KANK1: variants seen among roughly 807,000 people sequenced by gnomAD.
The protein encoded by KANK1 is KN motif and ankyrin repeat domains 1, also known as KN motif and ankyrin repeat domain-containing protein 1.
In KANK1, 109 loss-of-function variants were observed where a neutral mutation model predicts 106.2. That is an observed-to-expected ratio of 1.03 (90% CI 0.88 to 1.20). The LOEUF (loss-of-function observed/expected upper bound fraction) is 1.20. Among genes scored for constraint, KANK1 ranks in the 50% most tolerant of loss-of-function variants. The pLI, the probability that KANK1 is intolerant of heterozygous loss-of-function variation, is 0.00. For missense variants in KANK1, 2,399 were observed against 1,710.7 expected, an observed-to-expected ratio of 1.40 and a Z score of -7.10; for synonymous variants, 873 against 652.2, an observed-to-expected ratio of 1.34 and a Z score of -5.16.
intron 1 of KANK1, among the ~76,000 whole-genome samples, chr9:614,153 C>G (rs978715855): frequency 6.6e-6 from 1 of 152,122 alleles, no homozygotes; most frequent in Non-Finnish European, 1.5e-5. Flanking sequence ...AACTTTCAGT[C>G]CGGGGCAGGA....
At chr9:619,603 AAAGAT>A (rs1461931005) in intron 1 of KANK1, among the ~76,000 whole-genome samples, 1 of 152,172 alleles carries the variant, frequency 6.6e-6, no homozygotes, top group East Asian at 1.9e-4. Context: ...AGTGAGTGAT[AAAGAT>A]AAGTGATGAT....
intron 1 of KANK1, among the ~76,000 whole-genome samples, chr9:518,417 C>CTTA (rs751368468): frequency 8.6e-5 from 13 of 151,610 alleles, no homozygotes; most frequent in Non-Finnish European, 1.6e-4. Flanking sequence ...GCAGTTTTTA[C>CTTA]TTTACCGTTT....
At chr9:541,060 G>T (rs939988018) in intron 1 of KANK1, among the ~76,000 whole-genome samples, 1 of 151,950 alleles carries the variant, frequency 6.6e-6, no homozygotes. Flanking sequence ...GGAGTTGATT[G>T]CTGTAAACTT....
At chr9:539,899 T>A (rs1316113638) in intron 1 of KANK1, among the ~76,000 whole-genome samples, 2 of 152,240 alleles carry the variant, frequency 1.3e-5, no homozygotes, top group Non-Finnish European at 2.9e-5. Flanking sequence ...GATTTTAGTA[T>A]CCTACAACTT....
chr9:484,957 A>T lies in KANK1; in HGVS notation c.-362+11684A>T, dbSNP rs148322388. On this transcript the variant is annotated intron_variant, in intron 3 of 15. Coordinates refer to the KANK1 transcript ENST00000382303. ...ATGCAAAAAAAAAAAGTTAGGCCTC[A>T]TAAGACATAAATGTGTCAATGCTTT... is the stretch of plus-strand genomic sequence containing the variant. Among the ~76,000 whole-genome samples the T allele has an allele frequency of 5.3e-3, 814 of 152,216 alleles. 7 individuals are homozygous for T. The highest frequency in any genetic ancestry group is 0.018 in the African/African-American group (756 of 41,486).
chr9:712,880 A>G lies in KANK1; in HGVS notation c.2114A>G (p.Lys705Arg). The G allele has an allele frequency of 6.2e-7, 1 of 1,613,950 alleles. No homozygotes were observed. Among genetic ancestry groups the G allele is most frequent in the East Asian group, 2.2e-5 (1 of 44,848 alleles). The change falls in exon 3 of 12, where the codon AAG (lysine) becomes AGG (arginine). Residue 705 changes from lysine to arginine, a missense_variant. By Grantham distance (26) the Lys-to-Arg change is conservative (BLOSUM62 2). Transcript: ENST00000382297. ...AACACTTGTCTAAGCACTTTGGACA[A>G]GCAGACCAGCACCCAGACTGTGGAG... ...CTNTCLSTLD[K>R]QTSTQTVETR...
chr9:566,107 A>T (rs1254454355), intron 1 of KANK1, among the ~76,000 whole-genome samples: 1 of 152,158 alleles, frequency 6.6e-6, no homozygotes, highest in Non-Finnish European at 1.5e-5. Flanking sequence ...ATAAGTGACA[A>T]CGTGTAGTAT....
At chr9:542,106 A>G (rs2060639153) in intron 1 of KANK1, among the ~76,000 whole-genome samples, 1 of 151,064 alleles carries the variant, frequency 6.6e-6, no homozygotes, top group African/African-American at 2.4e-5. Context: ...AAAAATGAAC[A>G]GAGGACCTTA....
intron 1 of KANK1, among the ~76,000 whole-genome samples, chr9:528,506 G>A (rs568211025): frequency 9.1e-6 from 1 of 110,212 alleles, no homozygotes; most frequent in East Asian, 2.6e-4. Context: ...TTTTGAGACG[G>A]AGTCTCACTC....
At chr9:505,686 G>C (rs2058722109) in intron 1 of KANK1, among the ~76,000 whole-genome samples, 1 of 152,226 alleles carries the variant, frequency 6.6e-6, no homozygotes, top group Non-Finnish European at 1.5e-5. Context: ...AATTTATGGC[G>C]TCCGCCAGCG....
rs897462096 is a variant in KANK1 at position 731,213 on chromosome 9, C to G, written c.2952C>G (p.Asn984Lys). ...LKSIMKKKDG[N>K]KDSNGAKKNL... ...CCATCATGAAGAAGAAAGATGGTAACAAAGATTCAAATGGCGCAAAAAAGA... is the reference window on the plus strand; with the variant it reads ...CCATCATGAAGAAGAAAGATGGTAAGAAAGATTCAAATGGCGCAAAAAAGA... The change falls in exon 5 of 12, where the codon AAC becomes AAG. Residue 984 changes from asparagine to lysine, a missense_variant. Asn to Lys is a moderately conservative substitution (Grantham distance 94, BLOSUM62 0). Coordinates refer to ENST00000382297, the MANE Select transcript of KANK1 (RefSeq NM_015158.5). 6.2e-7 allele frequency: 1 copy of G among 1,611,802 alleles called. No homozygotes were observed. The highest frequency in any genetic ancestry group is 8.5e-7 in the Non-Finnish European group (1 of 1,178,386).
Position 711,761 on chromosome 9 carries a change from T to C in KANK1, c.995T>C (p.Leu332Pro), listed in dbSNP as rs146004710. The change falls in exon 3 of 12, where the codon CTG becomes CCG. Residue 332 changes from leucine to proline, a missense_variant. By Grantham distance (98) the Leu-to-Pro change is moderately conservative (BLOSUM62 -3). Coordinates refer to ENST00000382297, the MANE Select transcript of KANK1 (RefSeq NM_015158.5). ...RSYSAGNASQ[L>P]EQLSRARRSG... is the part of the protein sequence containing the mutation. ...TATAGTGCGGGGAACGCCTCCCAGCTGGAACAGCTCTCCCGGGCCCGAAGA... is the reference window on the plus strand; with the variant it reads ...TATAGTGCGGGGAACGCCTCCCAGCCGGAACAGCTCTCCCGGGCCCGAAGA... 3 of 1,614,094 alleles carry C rather than the reference T, an allele frequency of 1.9e-6. No individual in the cohort carries two copies. In the African/African-American group the frequency reaches 4.0e-5, roughly 22 times the overall value.
At chr9:564,691 CTT>C (rs1362141844) in intron 1 of KANK1, among the ~76,000 whole-genome samples, 1 of 152,204 alleles carries the variant, frequency 6.6e-6, no homozygotes, top group East Asian at 1.9e-4. Context: ...AGCTCTGGCT[CTT>C]TGCAGCCGCT....
At chr9:493,922 G>T (rs1348688453) in intron 3 of KANK1, among the ~76,000 whole-genome samples, 1 of 151,038 alleles carries the variant, frequency 6.6e-6, no homozygotes, top group Non-Finnish European at 1.5e-5. Context: ...TTGCTTTGTT[G>T]CCCAGGCTGG....
intron 1 of KANK1, among the ~76,000 whole-genome samples, chr9:619,129 G>C (rs1286563815): frequency 6.6e-6 from 1 of 152,162 alleles, no homozygotes; most frequent in East Asian, 1.9e-4. Flanking sequence ...TCAGTTAAAA[G>C]CTTCCTTGTA....
rs143867128 is a variant in KANK1 at position 742,303 on chromosome 9, C to A, written c.3795C>A (p.Asp1265Glu). The change falls in exon 10 of 12, where the codon GAC becomes GAA. Residue 1265 changes from aspartate to glutamate, a missense_variant. By Grantham distance (45) the Asp-to-Glu change is conservative. Coordinates refer to ENST00000382297, the MANE Select transcript of KANK1 (RefSeq NM_015158.5). ...ACGADVNIQD[D>E]EGSTALMCAS... ...GGGCTGATGTCAACATCCAGGATGA[C>A]GAGGGCTCCACGGCCCTCATGTGTG... 6.2e-7 allele frequency: 1 copy of A among 1,613,994 alleles called. No homozygotes were observed.
chr9:541,123 G>GA (rs150120914), intron 1 of KANK1, among the ~76,000 whole-genome samples: 2,517 of 145,230 alleles, frequency 0.017, 56 homozygotes, highest in African/African-American at 0.056. Flanking sequence ...GTTGAAAAAC[G>GA]AAAAAAAAAC....
intron 1 of KANK1, among the ~76,000 whole-genome samples, chr9:519,361 A>G (rs573276009): frequency 1.1e-4 from 16 of 151,908 alleles, no homozygotes; most frequent in Middle Eastern, 3.4e-3. Flanking sequence ...GTGGTGTTGA[A>G]TATTTTTCCT....
chr9:671,094 C>G (rs934639767), intron 1 of KANK1, among the ~76,000 whole-genome samples: 12 of 151,718 alleles, frequency 7.9e-5, no homozygotes, highest in Non-Finnish European at 1.3e-4. Context: ...GAAGTGAAGC[C>G]AGCTTTCATC....
Sources: gnomAD v4.1 joint callset for allele counts (sites outside exome capture counted in the v4.1 genomes callset) on GRCh38, gnomAD v4.1.1 for gene constraint, MANE v1.5 for transcripts, NCBI Gene and HGNC (gene_info 2026-07-23, HGNC 2026-07-21) for gene names.